The following OSBPL10 variants were observed in gnomAD, a reference collection of about 807,000 sequenced individuals.
The protein encoded by OSBPL10 is oxysterol binding protein like 10, also known as oxysterol-binding protein-related protein 10.
OSBPL10 carries 49 observed loss-of-function variants against 81.7 expected under a neutral mutation model. That is an observed-to-expected ratio of 0.60 (90% confidence interval 0.48 to 0.76). The LOEUF (loss-of-function observed/expected upper bound fraction) is 0.76, where lower values mean the gene tolerates loss of function less well. Among genes scored for constraint, OSBPL10 ranks in the 30% least tolerant of loss-of-function variants. OSBPL10 has a pLI of 0.00. For missense variants in OSBPL10, 923 were observed against 987.8 expected (o/e 0.93, Z 0.88); for synonymous variants, 419 against 383.6 (o/e 1.09, Z -1.08).
chr3:31,681,993 T>C (rs1010242585), intron 8 of OSBPL10, among the ~76,000 whole-genome samples: 18 of 152,140 alleles, frequency 1.2e-4, no homozygotes. Flanking sequence ...AGCTAGTCCA[T>C]CCTTCTAGGT....
intron 4 of OSBPL10, among the ~76,000 whole-genome samples, chr3:31,818,957 A>T (rs1699917232): frequency 6.6e-6 from 1 of 152,224 alleles, no homozygotes; most frequent in African/African-American, 2.4e-5. Context: ...CTTCTGAGAC[A>T]CTGCCGTGTT....
chr3:31,720,869 G>A lies in OSBPL10; in HGVS notation c.1095+12388C>T, dbSNP rs550178996. Among the ~76,000 whole-genome samples, 13 of 120,714 alleles carry A rather than the reference G, an allele frequency of 1.1e-4. No homozygotes were observed. The South Asian group carries it at 2.2e-3, about 21-fold the overall frequency. 79.2% of individuals were successfully genotyped at this position (120,714 alleles called of 152,430 possible). ...TGCACTCCAGCCTGGGCAACAGAGC[G>A]AGACTCTGTCTCAAAAAAAAAAAAA... On this transcript the variant is annotated intron_variant, in intron 6 of 11. Coordinates refer to ENST00000396556, the MANE Select transcript of OSBPL10 (RefSeq NM_017784.5).
Position 31,938,914 on chromosome 3 carries a change from C to T in OSBPL10, c.281+41985G>A, listed in dbSNP as rs564461366. Among the ~76,000 whole-genome samples, 7 of 152,210 alleles carry T rather than the reference C, an allele frequency of 4.6e-5. No homozygotes were observed. The East Asian group carries it at 1.2e-3, about 25-fold the overall frequency. Reference sequence around the variant, plus strand: ...TACTTTACAGAGAGTAAAGCAAGAACGCCTTCAACTTCCTGCCCACCCTCA... The same window carrying T: ...TACTTTACAGAGAGTAAAGCAAGAATGCCTTCAACTTCCTGCCCACCCTCA... On this transcript the variant is annotated intron_variant, in intron 1 of 11. Coordinates refer to ENST00000396556, the MANE Select transcript of OSBPL10 (RefSeq NM_017784.5).
At chr3:31,879,512 G>A in intron 2 of OSBPL10, 143 bp downstream of exon 2, 1 of 771,410 alleles carries the variant, frequency 1.3e-6, no homozygotes, top group Non-Finnish European at 2.0e-6. Flanking sequence ...AGGGATAAGA[G>A]AGGCAATGTG....
At chr3:32,032,631 T>C (rs1047176253) in intron 2 of OSBPL10, among the ~76,000 whole-genome samples, 3 of 152,190 alleles carry the variant, frequency 2.0e-5, no homozygotes, top group Non-Finnish European at 2.9e-5. Context: ...GGACACTGGA[T>C]ATTTTTTTGT....
At chr3:31,858,967 G>A (rs771771349) in intron 3 of OSBPL10, among the ~76,000 whole-genome samples, 4 of 152,182 alleles carry the variant, frequency 2.6e-5, no homozygotes, top group Non-Finnish European at 5.9e-5. Flanking sequence ...GGGTGAATCT[G>A]TGTTATAAAA....
intron 2 of OSBPL10, among the ~76,000 whole-genome samples, chr3:32,023,618 G>C (rs1307301795): frequency 6.6e-6 from 1 of 152,090 alleles, no homozygotes; most frequent in Non-Finnish European, 1.5e-5. Context: ...TCAATTTGTT[G>C]AAAAGACTAT....
At chr3:31,857,856 A>AGGAGGGAGAGGGAGAGGGAAAGGGGG (rs1700964098) in intron 3 of OSBPL10, among the ~76,000 whole-genome samples, 1 of 50,818 alleles carries the variant, frequency 2.0e-5, no homozygotes, top group Admixed American at 2.0e-4. Flanking sequence ...GAGGGAAAGA[A>AGGAGGGAGAGGGAGAGGGAAAGGGGG]GGAGGGAGAG....
chr3:31,747,487 TAAAAAA>T (rs61150758), intron 5 of OSBPL10, among the ~76,000 whole-genome samples: 1 of 98,500 alleles, frequency 1.0e-5, no homozygotes, highest in East Asian at 3.5e-4. Context: ...AATCTTCAAA[TAAAAAA>T]AAAAAAAAAA....
At chr3:31,891,485 C>T (rs1267814485) in intron 1 of OSBPL10, among the ~76,000 whole-genome samples, 3 of 152,174 alleles carry the variant, frequency 2.0e-5, no homozygotes, top group South Asian at 2.1e-4. Flanking sequence ...CTGGCTAATT[C>T]GCTCTTGCAG....
chr3:31,939,333 C>T (rs1315489230), intron 1 of OSBPL10, among the ~76,000 whole-genome samples: 1 of 151,526 alleles, frequency 6.6e-6, no homozygotes, highest in Non-Finnish European at 1.5e-5. Context: ...CAAGTAGAGA[C>T]AGGGTTTCAC....
intron 1 of OSBPL10, among the ~76,000 whole-genome samples, chr3:31,884,101 A>C (rs184140521): frequency 6.6e-6 from 1 of 152,374 alleles, no homozygotes. Context: ...GAGCTGGTAT[A>C]AAGAAATGAA....
intron 1 of OSBPL10, among the ~76,000 whole-genome samples, chr3:31,962,505 T>C (rs890766880): frequency 9.3e-5 from 14 of 150,624 alleles, no homozygotes; most frequent in African/African-American, 3.2e-4. Context: ...CTATATGTTC[T>C]ACATATTATA....
At chr3:31,737,523 A>G (rs1697216790) in intron 5 of OSBPL10, among the ~76,000 whole-genome samples, 1 of 152,220 alleles carries the variant, frequency 6.6e-6, no homozygotes, top group Admixed American at 6.5e-5. Context: ...AGATGGATGC[A>G]TCAAGGAATT....
chr3:31,673,857 G>C lies in OSBPL10; in HGVS notation c.1727-2874C>G, dbSNP rs576434466. Among the ~76,000 whole-genome samples the C allele has an allele frequency of 5.9e-5, 9 of 151,980 alleles. No individual in the cohort carries two copies. The South Asian group carries it at 1.9e-3, about 32-fold the overall frequency. ...CACTCAGGCTGAAGTGCAGTGGCGCGATCATGGCTCACTGCAGCCTTGACC... is the reference window on the plus strand; with the variant it reads ...CACTCAGGCTGAAGTGCAGTGGCGCCATCATGGCTCACTGCAGCCTTGACC... On this transcript the variant is annotated intron_variant, in intron 8 of 11. Transcript: ENST00000396556.
At chr3:31,967,465 G>A (rs1698432813) in intron 1 of OSBPL10, among the ~76,000 whole-genome samples, 3 of 150,154 alleles carry the variant, frequency 2.0e-5, no homozygotes, top group African/African-American at 2.5e-5. Context: ...GGACAACAGA[G>A]CAACACCCTG....
chr3:31,835,825 T>C (rs921305182), intron 3 of OSBPL10, among the ~76,000 whole-genome samples: 3 of 152,212 alleles, frequency 2.0e-5, no homozygotes, highest in African/African-American at 7.2e-5. Context: ...AAAGTAAATA[T>C]ACTTCAAAAT....
At chr3:31,797,839 C>A in intron 4 of OSBPL10, 1 of 455,248 alleles carries the variant, frequency 2.2e-6, no homozygotes, top group Non-Finnish European at 4.4e-6. Flanking sequence ...TACAAGCCTT[C>A]ACCTATAAAA....
At chr3:31,726,399 C>T (rs961065748) in intron 6 of OSBPL10, among the ~76,000 whole-genome samples, 24 of 152,030 alleles carry the variant, frequency 1.6e-4, no homozygotes, top group Non-Finnish European at 2.9e-4. Context: ...TCACTGCAAC[C>T]TCCGCCTCCC....
Sources: gnomAD v4.1 joint callset for allele counts (sites outside exome capture counted in the v4.1 genomes callset) on GRCh38, gnomAD v4.1.1 for gene constraint, MANE v1.5 for transcripts, NCBI Gene and HGNC (gene_info 2026-07-23, HGNC 2026-07-21) for gene names.